RRN3: variants seen among roughly 807,000 people sequenced by gnomAD.
RRN3 encodes RNA polymerase I-specific transcription initiation factor RRN3.
Under a neutral mutation model 82.3 loss-of-function variants are expected in RRN3, and 38 were observed. The ratio of observed to expected loss-of-function variants is 0.46; its 90% CI spans 0.36 to 0.61. The LOEUF (loss-of-function observed/expected upper bound fraction) is 0.61. RRN3 is among the 20% of genes least tolerant of loss of function. The probability of loss-of-function intolerance (pLI) is 0.00; values close to 1 mark genes in which losing one functional copy is unlikely to be tolerated. For synonymous variants in RRN3, 284 were observed against 284.3 expected, an observed-to-expected ratio of 1.00 and a Z score of 0.01; for missense variants, 726 against 793.1, an observed-to-expected ratio of 0.92 and a Z score of 1.02.
intron 14 of RRN3, among the ~76,000 whole-genome samples, chr16:15,069,735 G>C (rs1436592236): frequency 6.6e-6 from 1 of 152,162 alleles, no homozygotes; most frequent in African/African-American, 2.4e-5. Flanking sequence ...CAAAGAGAAG[G>C]TGCATCCAAC....
chr16:15,061,388 C>G lies in RRN3; in HGVS notation c.*356G>C, dbSNP rs2044704482. 1 of 231,604 alleles carries G rather than the reference C, an allele frequency of 4.3e-6. No homozygotes were observed. Among genetic ancestry groups the G allele is most frequent in the Non-Finnish European group, 8.3e-6 (1 of 120,338 alleles). 14.3% of individuals were successfully genotyped at this position (231,604 alleles called of 1,614,324 possible). ...GATCTGACAAAAACCCATGTTAAAA[C>G]AGCAACCCGTAAAACAGTCTGCTGC... On this transcript the variant is annotated 3_prime_UTR_variant, in exon 18 of 18. Coordinates refer to ENST00000198767, the MANE Select transcript of RRN3 (RefSeq NM_018427.5).
chr16:15,074,161 T>C (rs1483811582), intron 11 of RRN3, among the ~76,000 whole-genome samples: 1 of 152,260 alleles, frequency 6.6e-6, no homozygotes, highest in Non-Finnish European at 1.5e-5. Context: ...ACATGTATTA[T>C]TTTTATAACA....
intron 17 of RRN3, among the ~76,000 whole-genome samples, chr16:15,062,683 TGC>T (rs4012838): frequency 0.014 from 2,207 of 152,358 alleles, 27 homozygotes; most frequent in Non-Finnish European, 0.022. Flanking sequence ...TTGGTAAGAA[TGC>T]GCAAGTGGCA....
intron 2 of RRN3, among the ~76,000 whole-genome samples, chr16:15,091,598 T>A (rs1423541504): frequency 2.0e-5 from 3 of 151,934 alleles, no homozygotes; most frequent in African/African-American, 7.3e-5. Flanking sequence ...TAGCTATACT[T>A]CTGTATTGAC....
chr16:15,085,722 G>T (rs532080519), intron 5 of RRN3, 24 bp from the exon 6 acceptor site: 2 of 1,612,306 alleles, frequency 1.2e-6, no homozygotes, highest in African/African-American at 2.7e-5. Flanking sequence ...AAGAAAATAT[G>T]TTATTCTGTC....
At chr16:15,079,908 T>G (rs892723941) in intron 9 of RRN3, 90 bp downstream of exon 9, 36 of 1,359,222 alleles carry the variant, frequency 2.6e-5, no homozygotes, top group Non-Finnish European at 3.3e-5. Flanking sequence ...AGTGGATTCT[T>G]TTCTATCACT....
In RRN3 at chr16:15,070,650, T is replaced by C. The variant is rs371914980; in HGVS notation, c.1260-396A>G. ...TCCCTGATGCATCCTAGTCAAGTCC[T>C]ATGGTGAATAATTTTGTGGTTGGGG... On this transcript the variant is annotated intron_variant, in intron 13 of 17. Transcript: ENST00000198767. Among the ~76,000 whole-genome samples the C allele has an allele frequency of 3.9e-5, 6 of 152,256 alleles. No homozygotes were observed. In the South Asian group the frequency reaches 1.2e-3, roughly 32 times the overall value.
chr16:15,084,033 T>G (rs923804946), intron 7 of RRN3, among the ~76,000 whole-genome samples: 4 of 152,206 alleles, frequency 2.6e-5, no homozygotes, highest in African/African-American at 7.2e-5. Context: ...GAACTTACAA[T>G]GTATAGCTTC....
At chr16:15,090,385 T>C (rs2046084010) in intron 3 of RRN3, among the ~76,000 whole-genome samples, 1 of 152,236 alleles carries the variant, frequency 6.6e-6, no homozygotes, top group Admixed American at 6.5e-5. Context: ...AGTCAGAGAC[T>C]GTTCTAAGTG....
intron 14 of RRN3, 41 bp from the exon 15 acceptor site, chr16:15,068,318 A>G (rs888220624): frequency 1.0e-5 from 16 of 1,552,754 alleles, no homozygotes; most frequent in Non-Finnish European, 1.4e-5. Flanking sequence ...AAAGGTACAA[A>G]TAAGTGAAAA....
chr16:15,084,791 C>G lies in RRN3; in HGVS notation c.533-86G>C, dbSNP rs1364047149. ...AAGCTAAAAATAAATGCTGGCTGGG[C>G]ACAGTGGCTCACGCCTGTAATCCCA... On this transcript the variant is annotated intron_variant, in intron 6 of 17. Transcript: ENST00000198767. 16 of 907,048 alleles carry G rather than the reference C, an allele frequency of 1.8e-5. No homozygotes were observed. The Admixed American group carries it at 3.0e-4, about 17-fold the overall frequency. 56.2% of individuals were successfully genotyped at this position (907,048 alleles called of 1,614,324 possible).
Position 15,061,748 on chromosome 16 carries a change from A to C in RRN3, c.1952T>G (p.Leu651Arg), listed in dbSNP as rs2044720323. 6.2e-7 allele frequency: 1 copy of C among 1,606,700 alleles called. No homozygotes were observed. Among genetic ancestry groups the C allele is most frequent in the Non-Finnish European group, 8.5e-7 (1 of 1,174,016 alleles). ...PPVLYMQPSP[L>R] The stretch of plus-strand genomic sequence containing the variant: ...CTCAGTCACAAATTTCTGCCGTCAG[A>C]GGGGACTGGGTTGCATGTACAACAC... Residue 651 changes from leucine (L) to arginine (R), a missense_variant, in exon 18 of 18, where the codon CTC (leucine) becomes CGC (arginine). This residue lies in a region of RRN3 where 166 missense variants were observed against 154.8 expected (regional missense o/e 1.07). Transcript: ENST00000198767.
chr16:15,068,204 C>A lies in RRN3; in HGVS notation c.1518G>T (p.Leu506=). ...CAGCAAAAAAGTTAACCACTGAGGG[C>A]AGGCAAATCTTCAGGGGATTTAGCT... The part of the protein sequence containing the change: ...MSQLNPLKIC[L]PSVVNFFAAI... Residue 506 remains leucine (L), a synonymous_variant, in exon 15 of 18, where the codon CTG becomes CTT. Transcript: ENST00000198767. The A allele has an allele frequency of 6.3e-7, 1 of 1,597,212 alleles. No homozygotes were observed. The highest frequency in any genetic ancestry group is 1.1e-5 in the South Asian group (1 of 88,100).
Position 15,083,562 on chromosome 16 carries a change from G to C in RRN3, c.617C>G (p.Pro206Arg). Residue 206 changes from proline (P) to arginine (R), a missense_variant, in exon 8 of 18, where the codon CCA (proline) becomes CGA (arginine). This residue lies in a region of RRN3 where 344 missense variants were observed against 394.5 expected (regional missense o/e 0.87). Coordinates refer to ENST00000198767, the MANE Select transcript of RRN3 (RefSeq NM_018427.5). ...YVPSTPWFLMPILVEKFPFVR... is the reference protein window; with the variant it reads ...YVPSTPWFLMRILVEKFPFVR... ...AAATGGAAATTTTTCCACCAGTATTGGCATGAGAAACCACGGTGTCCTATT... is the reference window on the plus strand; with the variant it reads ...AAATGGAAATTTTTCCACCAGTATTCGCATGAGAAACCACGGTGTCCTATT... 13 of 1,608,958 alleles carry C rather than the reference G, an allele frequency of 8.1e-6. No homozygotes were observed. Among genetic ancestry groups the C allele is most frequent in the South Asian group, 1.1e-5 (1 of 90,192 alleles).
intron 1 of RRN3, among the ~76,000 whole-genome samples, chr16:15,093,112 A>C (rs1470555521): frequency 4.6e-5 from 7 of 151,718 alleles, no homozygotes; most frequent in African/African-American, 1.2e-4. Context: ...TCAAGCAATT[A>C]TCCTGCCTCA....
intron 16 of RRN3, among the ~76,000 whole-genome samples, chr16:15,064,967 A>C (rs1037353276): frequency 2.6e-5 from 4 of 152,154 alleles, no homozygotes; most frequent in Middle Eastern, 3.2e-3. Flanking sequence ...GAGATCGAGA[A>C]CATCCCGGCT....
chr16:15,071,251 C>T lies in RRN3; in HGVS notation c.1129G>A (p.Gly377Arg), dbSNP rs1200298111. ...FMFYLCSFKL[G>R]FAEAFLEHLW... The stretch of plus-strand genomic sequence containing the variant: ...TGTTCCAAAAATGCCTCTGCGAATC[C>T]CTATAAAAAGAGAGGGCGTCGGTGT... Residue 377 changes from glycine to arginine, a missense_variant and splice_region_variant, in exon 13 of 18, where the codon GGA becomes AGA. Transcript: ENST00000198767. 1 of 1,605,856 alleles carries T rather than the reference C, an allele frequency of 6.2e-7. No homozygotes were observed. The highest frequency in any genetic ancestry group is 1.1e-5 in the South Asian group (1 of 89,668).
At chr16:15,072,838 C>G in intron 12 of RRN3, 112 bp downstream of exon 12, 1 of 1,094,980 alleles carries the variant, frequency 9.1e-7, no homozygotes, top group Non-Finnish European at 1.3e-6. Flanking sequence ...AGCAAGTAAG[C>G]TCAAAGAAAA....
At chr16:15,085,068 AAAAC>A (rs1188194369) in intron 6 of RRN3, among the ~76,000 whole-genome samples, 2 of 152,194 alleles carry the variant, frequency 1.3e-5, no homozygotes, top group Non-Finnish European at 2.9e-5. Flanking sequence ...TCTGTCTCAA[AAAAC>A]AAACAAACAA....
Sources: allele counts gnomAD v4.1 joint callset (sites outside exome capture counted in the v4.1 genomes callset), GRCh38; gene constraint gnomAD v4.1.1; regional missense constraint gnomAD v4.1.1; transcripts MANE v1.5; gene names NCBI Gene and HGNC (gene_info 2026-07-23, HGNC 2026-07-21).